The following RIMS2 variants were observed in gnomAD, a reference collection of about 807,000 sequenced individuals.
The protein encoded by RIMS2 is regulating synaptic membrane exocytosis 2.
RIMS2 carries 59 observed loss-of-function variants against 174.4 expected under a neutral mutation model. The ratio of observed to expected loss-of-function variants is 0.34; its 90% CI spans 0.27 to 0.42. RIMS2 has a LOEUF of 0.42. RIMS2 is among the 10% of genes least tolerant of loss of function. RIMS2 has a pLI of 1.00. For missense variants in RIMS2, 1,620 were observed against 1,666.3 expected, an observed-to-expected ratio of 0.97 and a Z score of 0.48; for synonymous variants, 606 against 572.5, an observed-to-expected ratio of 1.06 and a Z score of -0.84.
chr8:103,774,593 A>G (rs986391726), intron 3 of RIMS2, among the ~76,000 whole-genome samples: 3 of 152,230 alleles, frequency 2.0e-5, no homozygotes, highest in Non-Finnish European at 4.4e-5. Context: ...AAAAGAGTAC[A>G]TAAGATATAA....
chr8:103,921,787 A>G lies in RIMS2; in HGVS notation c.2196+3A>G, dbSNP rs773825696. The G allele has an allele frequency of 9.0e-7, 1 of 1,107,652 alleles. No homozygotes were observed. Among genetic ancestry groups the G allele is most frequent in the Non-Finnish European group, 1.4e-6 (1 of 722,660 alleles). The allele number at this position is 1,107,652 out of a possible 1,614,324, so 68.6% of individuals were successfully genotyped here. On this transcript the variant is annotated splice_donor_region_variant and intron_variant, in intron 10 of 23. Coordinates refer to ENST00000504942, the Ensembl canonical transcript of RIMS2. ...AGTTCTTATCAGGACAACTTTCAGT[A>G]TGTAGTCATTACGTTTACTCTTCTT...
chr8:103,648,649 G>A (rs1480451805), intron 1 of RIMS2, among the ~76,000 whole-genome samples: 1 of 152,070 alleles, frequency 6.6e-6, no homozygotes, highest in African/African-American at 2.4e-5. Flanking sequence ...ATATTTAGGA[G>A]AATTAGCTCT....
At chr8:103,555,800 C>CAA (rs35932194) in intron 1 of RIMS2, among the ~76,000 whole-genome samples, 2,499 of 135,388 alleles carry the variant, frequency 0.018, 25 homozygotes, top group African/African-American at 0.021. Flanking sequence ...CTCTCTCTCT[C>CAA]AAAAAAAAAA....
At chr8:104,216,919 T>C (rs2099132337) in intron 19 of RIMS2, among the ~76,000 whole-genome samples, 3 of 152,218 alleles carry the variant, frequency 2.0e-5, no homozygotes, top group Admixed American at 2.0e-4. Flanking sequence ...AATAATGGAA[T>C]TAACTACCTT....
intron 19 of RIMS2, 37 bp downstream of exon 22, chr8:104,041,395 T>C: frequency 1.5e-6 from 1 of 683,226 alleles, no homozygotes; most frequent in Non-Finnish European, 2.7e-6. Flanking sequence ...TTATTTTATT[T>C]ATCTAACTTG....
At chr8:104,012,177 A>G (rs979886932) in intron 17 of RIMS2, among the ~76,000 whole-genome samples, 2 of 151,986 alleles carry the variant, frequency 1.3e-5, no homozygotes, top group Admixed American at 1.3e-4. Context: ...ACTTAAAAGT[A>G]TTTAAAAATG....
chr8:103,788,970 G>C (rs969317813), intron 3 of RIMS2, among the ~76,000 whole-genome samples: 1 of 143,242 alleles, frequency 7.0e-6, no homozygotes, highest in Non-Finnish European at 1.6e-5. Flanking sequence ...ATATAATCTC[G>C]TGGTGCGCCG....
At chr8:103,936,484 A>T in intron 12 of RIMS2, 67 bp from the exon 15 acceptor site, 1 of 1,073,784 alleles carries the variant, frequency 9.3e-7, no homozygotes, top group Non-Finnish European at 1.3e-6. Flanking sequence ...GAAATTTTAA[A>T]TTAAAAAATT....
rs1299977306 is a variant in RIMS2, at chr8:103,967,851, C to CCTTTTT, written c.2770+6718_2770+6719insCTTTTT. ...TCTAAAATTAGTGTACCTACTCCTG[C>CCTTTTT]TTTTTTTTTTTTTTTTTTTTGAGAC... On this transcript the variant is annotated intron_variant, in intron 15 of 23. Transcript: ENST00000504942. 1.4e-3 allele frequency among the ~76,000 whole-genome samples: 156 copies of CCTTTTT among 109,542 alleles called. 1 individual carries two copies. The highest frequency in any genetic ancestry group is 2.3e-3 in the Non-Finnish European group (124 of 54,692). 71.9% of individuals were successfully genotyped at this position (109,542 alleles called of 152,430 possible). A position where few individuals can be genotyped will look rare whatever the true frequency, so the allele number is the denominator to read the frequency against.
intron 1 of RIMS2, among the ~76,000 whole-genome samples, chr8:103,557,866 A>G (rs1378023063): frequency 6.6e-6 from 1 of 152,230 alleles, no homozygotes; most frequent in African/African-American, 2.4e-5. Context: ...TAGAAAGAGT[A>G]CTGAAAATGA....
intron 1 of RIMS2, among the ~76,000 whole-genome samples, chr8:103,530,838 T>C (rs1052308424): frequency 2.0e-5 from 3 of 151,978 alleles, no homozygotes; most frequent in Non-Finnish European, 2.9e-5. Flanking sequence ...CATAATGATA[T>C]TGACTGGGAG....
chr8:104,133,685 G>C (rs937326603), intron 19 of RIMS2, among the ~76,000 whole-genome samples: 4 of 152,126 alleles, frequency 2.6e-5, no homozygotes, highest in African/African-American at 9.7e-5. Flanking sequence ...GCATGGATTT[G>C]AATGGTCAAA....
At chr8:104,068,521 A>T in intron 19 of RIMS2, 1 of 1,480,798 alleles carries the variant, frequency 6.8e-7, no homozygotes, top group African/African-American at 1.4e-5. Flanking sequence ...GGTACTATGG[A>T]TATAGAGGAG....
intron 19 of RIMS2, among the ~76,000 whole-genome samples, chr8:104,232,891 T>C (rs1410711813): frequency 1.3e-5 from 2 of 152,096 alleles, no homozygotes; most frequent in Non-Finnish European, 2.9e-5. Context: ...ATTTTTCAAA[T>C]GTAGAAGGAA....
intron 3 of RIMS2, among the ~76,000 whole-genome samples, chr8:103,788,096 T>C (rs2098461005): frequency 6.6e-6 from 1 of 150,664 alleles, no homozygotes; most frequent in South Asian, 2.1e-4. Flanking sequence ...TTCACGTAGT[T>C]CTCGAGCCTT....
chr8:104,145,952 C>G (rs1291728596), intron 19 of RIMS2, among the ~76,000 whole-genome samples: 1 of 151,836 alleles, frequency 6.6e-6, no homozygotes, highest in Non-Finnish European at 1.5e-5. Context: ...AAGGAACCCT[C>G]GCTGCAATCT....
intron 2 of RIMS2, among the ~76,000 whole-genome samples, chr8:103,699,297 G>C (rs536581904): frequency 6.6e-6 from 1 of 152,332 alleles, no homozygotes; most frequent in African/African-American, 2.4e-5. Flanking sequence ...CACAGCCACA[G>C]CTCACTGCAG....
At chr8:103,830,797 A>T (rs1209232964) in intron 3 of RIMS2, among the ~76,000 whole-genome samples, 1 of 152,062 alleles carries the variant, frequency 6.6e-6, no homozygotes, top group Non-Finnish European at 1.5e-5. Context: ...GGATATCTAC[A>T]CGTTTGTGAT....
intron 2 of RIMS2, among the ~76,000 whole-genome samples, chr8:103,702,237 G>A (rs1390720413): frequency 6.6e-6 from 1 of 152,018 alleles, no homozygotes; most frequent in Non-Finnish European, 1.5e-5. Flanking sequence ...GTATTCTTTT[G>A]AGAAATGTCT....
Sources: gnomAD v4.1 joint callset for allele counts (sites outside exome capture counted in the v4.1 genomes callset) on GRCh38, gnomAD v4.1.1 for gene constraint, MANE v1.5 for transcripts, NCBI Gene and HGNC (gene_info 2026-07-23, HGNC 2026-07-21) for gene names.